Variants in TGFBR3L observed in about 807,000 individuals in gnomAD.
The protein encoded by TGFBR3L is transforming growth factor beta receptor 3 like, also known as transforming growth factor-beta receptor type 3-like protein.
A neutral mutation model predicts 20.4 loss-of-function variants in TGFBR3L; 21 were observed. The ratio of observed to expected loss-of-function variants is 1.03; its 90% confidence interval spans 0.73 to 1.48. TGFBR3L has a LOEUF of 1.48. Ranked by LOEUF, TGFBR3L falls within the 40% of genes most tolerant of loss-of-function variation. The pLI is 0.00. For missense variants in TGFBR3L, 479 were observed against 498.0 expected (o/e 0.96, Z 0.36); for synonymous variants, 245 against 244.2 (o/e 1.00, Z -0.03).
chr19:7,916,229 C>CA lies in TGFBR3L; in HGVS notation c.-38dup. 1 of 1,520,014 alleles carries CA rather than the reference C, an allele frequency of 6.6e-7. No homozygotes were observed. Among genetic ancestry groups the CA allele is most frequent in the Non-Finnish European group, 8.8e-7 (1 of 1,137,878 alleles). 94.2% of individuals were successfully genotyped at this position (1,520,014 alleles called of 1,614,324 possible). A position where few individuals can be genotyped will look rare whatever the true frequency, so the allele number is the denominator to read the frequency against. ...GCGAGTCCCAGGGGTCGCCAGGGGGCACATCACCGTCAGGGGGGAAAGTGG... is the reference window on the plus strand; with the variant it reads ...GCGAGTCCCAGGGGTCGCCAGGGGGCAACATCACCGTCAGGGGGGAAAGTGG... On this transcript the variant is annotated 5_prime_UTR_variant, in exon 1 of 6. Transcript: ENST00000565886.
At position 7,916,868 on chromosome 19, in the gene TGFBR3L, C is replaced by G. The variant is rs1299892778; in HGVS notation, c.523C>G (p.Arg175Gly). The change falls in exon 2 of 6, where the codon CGC (arginine) becomes GGC (glycine). Residue 175 changes from arginine to glycine, a missense_variant. Arg to Gly is a moderately radical substitution (Grantham distance 125). Transcript: ENST00000565886. ...GCAGTTCCTGCACTGCCAGCTGAGC[C>G]GCTGCCGCCGCCTCCGGGGAGTCCG... 4 of 1,387,066 alleles carry G rather than the reference C, an allele frequency of 2.9e-6. No homozygotes were observed. The highest frequency in any genetic ancestry group is 2.6e-4 in the Middle Eastern group (1 of 3,868). The allele number at this position is 1,387,066 out of a possible 1,614,324, so 85.9% of individuals were successfully genotyped here. A position where few individuals can be genotyped will look rare whatever the true frequency, so the allele number is the denominator to read the frequency against.
chr19:7,918,248 T>C, intron 5 of TGFBR3L, 119 bp downstream of exon 6: 4 of 1,250,414 alleles, frequency 3.2e-6, no homozygotes, highest in Non-Finnish European at 4.4e-6. Flanking sequence ...TGTTTGTTTG[T>C]TTTTTGAGAC....
In TGFBR3L at chr19:7,916,858, C is replaced by A; in HGVS notation, c.513C>A (p.Cys171Ter). The change falls in exon 2 of 6, where the codon TGC (cysteine) becomes TGA (stop). Residue 171 changes from cysteine (C) to a stop codon, truncating the protein, a stop_gained. Transcript: ENST00000565886. LOFTEE classifies it high-confidence loss of function. ...ACGCCTCGGTGCAGTTCCTGCACTG[C>A]CAGCTGAGCCGCTGCCGCCGCCTCC... The A allele has an allele frequency of 1.4e-6, 2 of 1,397,276 alleles. No individual in the cohort carries two copies. Among genetic ancestry groups the A allele is most frequent in the Non-Finnish European group, 1.9e-6 (2 of 1,075,068 alleles). 86.6% of individuals were successfully genotyped at this position (1,397,276 alleles called of 1,614,324 possible).
chr19:7,916,130 A>G lies in TGFBR3L; in HGVS notation c.-138A>G, dbSNP rs765534330. On this transcript the variant is annotated 5_prime_UTR_variant, in exon 1 of 6. Coordinates refer to ENST00000565886, the MANE Select transcript of TGFBR3L (RefSeq NM_001195259.2). Reference sequence around the variant, plus strand: ...CTCCTCACCGCTTCTCTTCCGCCCCAGGGAGGGCTTCGCCAGCTTCGGAGG... The same window carrying G: ...CTCCTCACCGCTTCTCTTCCGCCCCGGGGAGGGCTTCGCCAGCTTCGGAGG... 8 of 1,428,462 alleles carry G rather than the reference A, an allele frequency of 5.6e-6. No homozygotes were observed. The highest frequency in any genetic ancestry group is 7.3e-6 in the Non-Finnish European group (8 of 1,093,910). 88.5% of individuals were successfully genotyped at this position (1,428,462 alleles called of 1,614,324 possible).
In TGFBR3L at chr19:7,916,246, G is replaced by A. The variant is rs1433183235; in HGVS notation, c.-22G>A. 7.2e-6 allele frequency: 11 copies of A among 1,529,084 alleles called. No homozygotes were observed. The highest frequency in any genetic ancestry group is 8.8e-6 in the Non-Finnish European group (10 of 1,142,768). 94.7% of individuals were successfully genotyped at this position (1,529,084 alleles called of 1,614,324 possible). A position where few individuals can be genotyped will look rare whatever the true frequency, so the allele number is the denominator to read the frequency against. On this transcript the variant is annotated 5_prime_UTR_variant, in exon 1 of 6. Transcript: ENST00000565886. ...CCAGGGGGCACATCACCGTCAGGGG[G>A]GAAAGTGGCGCGGAGCCCATCATGG...
At position 7,918,908 on chromosome 19, in the gene TGFBR3L, C is replaced by T. The variant is rs1983449838; in HGVS notation, c.*6-9C>T. On this transcript the variant is annotated splice_polypyrimidine_tract_variant and intron_variant, in intron 5 of 5. Coordinates refer to ENST00000565886, the MANE Select transcript of TGFBR3L (RefSeq NM_001195259.2). ...CCCTCCCTCGCTGAGCCTCAGCCAC[C>T]CCTCCCAGGGATGGTGCGCCCCCAA... 4 of 398,616 alleles carry T rather than the reference C, an allele frequency of 1.0e-5. No homozygotes were observed. The highest frequency in any genetic ancestry group is 8.8e-6 in the Non-Finnish European group (2 of 226,064). 24.7% of individuals were successfully genotyped at this position (398,616 alleles called of 1,614,324 possible). A position where few individuals can be genotyped will look rare whatever the true frequency, so the allele number is the denominator to read the frequency against.
rs981777209 is a variant in TGFBR3L at position 7,916,081 on chromosome 19, C to T, written c.-187C>T. The T allele has an allele frequency of 3.5e-5, 43 of 1,232,222 alleles. No individual in the cohort carries two copies. Among genetic ancestry groups the T allele is most frequent in the Non-Finnish European group, 4.6e-5 (42 of 918,580 alleles). 76.3% of individuals were successfully genotyped at this position (1,232,222 alleles called of 1,614,324 possible). On this transcript the variant is annotated 5_prime_UTR_variant, in exon 1 of 6. Transcript: ENST00000565886. ...GAAGGTGGGGGAGCTCTGACTTCAC[C>T]CAGCCGGACCCCACCATCGGGTGCT...
chr19:7,916,765 A>ACCG lies in TGFBR3L; in HGVS notation c.430_432dup (p.Pro144dup), dbSNP rs771546392. The stretch of plus-strand genomic sequence containing the variant: ...CCGACACCTCTGTCGCCTTCCCGCC[A>ACCG]CCGCCGCCGCCGAGCCCGGGTGCCG... On this transcript the variant is annotated inframe_insertion, in exon 2 of 6. Transcript: ENST00000565886. The ACCG allele has an allele frequency of 1.3e-6, 2 of 1,484,090 alleles. No individual in the cohort carries two copies. Among genetic ancestry groups the ACCG allele is most frequent in the East Asian group, 2.8e-5 (1 of 35,436 alleles). The allele number at this position is 1,484,090 out of a possible 1,614,324, so 91.9% of individuals were successfully genotyped here.
Position 7,916,216 on chromosome 19 carries a change from G to C in TGFBR3L, c.-52G>C. ...GTTGCTGGGCTGTGCGAGTCCCAGGGGTCGCCAGGGGGCACATCACCGTCA... is the reference window on the plus strand; with the variant it reads ...GTTGCTGGGCTGTGCGAGTCCCAGGCGTCGCCAGGGGGCACATCACCGTCA... On this transcript the variant is annotated 5_prime_UTR_variant, in exon 1 of 6. Transcript: ENST00000565886. The C allele has an allele frequency of 6.6e-7, 1 of 1,508,368 alleles. No individual in the cohort carries two copies. The allele number at this position is 1,508,368 out of a possible 1,614,324, so 93.4% of individuals were successfully genotyped here. A position where few individuals can be genotyped will look rare whatever the true frequency, so the allele number is the denominator to read the frequency against.
In TGFBR3L at chr19:7,916,040, C is replaced by T. The variant is rs994853659; in HGVS notation, c.-228C>T. ...GGAGCCGCCTGTCCTGCTGCGTCCC[C>T]AAGAGCAGCCCTGGGGAAGGTGGGG... On this transcript the variant is annotated 5_prime_UTR_variant, in exon 1 of 6. Coordinates refer to ENST00000565886, the MANE Select transcript of TGFBR3L (RefSeq NM_001195259.2). 7 of 769,742 alleles carry T rather than the reference C, an allele frequency of 9.1e-6. No individual in the cohort carries two copies. The highest frequency in any genetic ancestry group is 5.7e-5 in the East Asian group (2 of 35,080). 47.7% of individuals were successfully genotyped at this position (769,742 alleles called of 1,614,324 possible). A position where few individuals can be genotyped will look rare whatever the true frequency, so the allele number is the denominator to read the frequency against.
Position 7,918,100 on chromosome 19 carries a change from T to C in TGFBR3L, c.927T>C (p.Gly309=). ...CGCCCGCGAGAGCCTCGCCCAGCGG[T>C]CCCCAGCCCAGGAGGTCCCAGTGAG... The change falls in exon 5 of 6, where the codon GGT becomes GGC. Residue 309 remains glycine (G), a synonymous_variant. Coordinates refer to ENST00000565886, the MANE Select transcript of TGFBR3L (RefSeq NM_001195259.2). 6.5e-7 allele frequency: 1 copy of C among 1,535,022 alleles called. No homozygotes were observed. Among genetic ancestry groups the C allele is most frequent in the African/African-American group, 1.4e-5 (1 of 73,162 alleles).
At position 7,915,729 on chromosome 19, in the gene TGFBR3L, C is replaced by T. The variant is rs554377742; in HGVS notation, c.-539C>T. 6.6e-6 allele frequency among the ~76,000 whole-genome samples: 1 copy of T among 152,310 alleles called. No homozygotes were observed. Among genetic ancestry groups the T allele is most frequent in the Admixed American group, 6.5e-5 (1 of 15,300 alleles). ...CTCCAGCCTGGGCGACAGAGGGAGACCCTGTCTCAGAAAACAAGAAAAATG... is the reference window on the plus strand; with the variant it reads ...CTCCAGCCTGGGCGACAGAGGGAGATCCTGTCTCAGAAAACAAGAAAAATG... On this transcript the variant is annotated 5_prime_UTR_variant, in exon 1 of 6. Coordinates refer to ENST00000565886, the MANE Select transcript of TGFBR3L (RefSeq NM_001195259.2).
rs1983205309 is a variant in TGFBR3L at position 7,914,910 on chromosome 19, C to T, written c.-1358C>T. On this transcript the variant is annotated 5_prime_UTR_variant, in exon 1 of 6. Transcript: ENST00000565886. ...TGCTCCCAGGGATCACCACCTTACC[C>T]AGCGGGCCACCTGGTATGTATGGGC... 6.6e-6 allele frequency among the ~76,000 whole-genome samples: 1 copy of T among 152,208 alleles called. No homozygotes were observed. Among genetic ancestry groups the T allele is most frequent in the African/African-American group, 2.4e-5 (1 of 41,448 alleles).
chr19:7,916,607 G>A lies in TGFBR3L; in HGVS notation c.277-15G>A. On this transcript the variant is annotated splice_polypyrimidine_tract_variant and intron_variant, in intron 1 of 5. Transcript: ENST00000565886. ...GTGGGGACGGGCGATCCCTGATGGC[G>A]CCTCCGTCCCCCAGGCGGCCTTGGC... 2.8e-6 allele frequency: 4 copies of A among 1,427,468 alleles called. No individual in the cohort carries two copies. Among genetic ancestry groups the A allele is most frequent in the East Asian group, 2.7e-5 (1 of 37,710 alleles). 88.4% of individuals were successfully genotyped at this position (1,427,468 alleles called of 1,614,324 possible).
chr19:7,916,061 TG>T lies in TGFBR3L; in HGVS notation c.-202del. On this transcript the variant is annotated 5_prime_UTR_variant, in exon 1 of 6. Transcript: ENST00000565886. ...TCCCCAAGAGCAGCCCTGGGGAAGG[TG>T]GGGGAGCTCTGACTTCACCCAGCCG... 2 of 954,876 alleles carry T rather than the reference TG, an allele frequency of 2.1e-6. No individual in the cohort carries two copies. The highest frequency in any genetic ancestry group is 3.0e-6 in the Non-Finnish European group (2 of 666,926). The allele number at this position is 954,876 out of a possible 1,614,324, so 59.2% of individuals were successfully genotyped here. A position where few individuals can be genotyped will look rare whatever the true frequency, so the allele number is the denominator to read the frequency against.
intron 3 of TGFBR3L, 51 bp downstream of exon 4, chr19:7,917,650 G>A (rs1983373784): frequency 5.6e-6 from 8 of 1,427,990 alleles, no homozygotes; most frequent in Non-Finnish European, 7.3e-6. Flanking sequence ...CAGAGCGGGT[G>A]GGAAGGACGC....
At chr19:7,918,247 GTT>G in intron 5 of TGFBR3L, 118 bp downstream of exon 6, 1 of 1,026,280 alleles carries the variant, frequency 9.7e-7, no homozygotes, top group Non-Finnish European at 1.4e-6. Flanking sequence ...TTGTTTGTTT[GTT>G]TTTTGAGACG....
In TGFBR3L at chr19:7,916,581, G is replaced by A. The variant is rs552193768; in HGVS notation, c.276+38G>A. ...GGGACACCAGGGGCGGATGGGGGCC[G>A]GTGGGGACGGGCGATCCCTGATGGC... On this transcript the variant is annotated intron_variant, in intron 1 of 5. Transcript: ENST00000565886. The A allele has an allele frequency of 7.9e-3, 11,310 of 1,439,008 alleles. 51 individuals are homozygous for A. Among genetic ancestry groups the A allele is most frequent in the Non-Finnish European group, 9.4e-3 (10,340 of 1,103,542 alleles). 89.1% of individuals were successfully genotyped at this position (1,439,008 alleles called of 1,614,324 possible).
Position 7,916,671 on chromosome 19 carries a change from G to A in TGFBR3L, c.326G>A (p.Cys109Tyr). The A allele has an allele frequency of 7.0e-7, 1 of 1,423,744 alleles. No individual in the cohort carries two copies. Among genetic ancestry groups the A allele is most frequent in the South Asian group, 1.5e-5 (1 of 67,464 alleles). 88.2% of individuals were successfully genotyped at this position (1,423,744 alleles called of 1,614,324 possible). Residue 109 changes from cysteine to tyrosine, a missense_variant, in exon 2 of 6, where the codon TGC (cysteine) becomes TAC (tyrosine). Physicochemically the swap from Cys to Tyr is radical, Grantham distance 194 (BLOSUM62 -2). Transcript: ENST00000565886. ...CGCTGGGGCCTGGCCCTGCACCGCT[G>A]CTCAGTGACGCCGTCCTCACGCCCG...
Sources: allele counts gnomAD v4.1 joint callset (sites outside exome capture counted in the v4.1 genomes callset), GRCh38; gene constraint gnomAD v4.1.1; transcripts MANE v1.5; gene names NCBI Gene and HGNC (gene_info 2026-07-23, HGNC 2026-07-21).